RNF121: variants seen among roughly 807,000 people sequenced by gnomAD.
RNF121 encodes the protein E3 ubiquitin ligase RNF121.
RNF121 carries 21 observed loss-of-function variants against 46.5 expected under a neutral mutation model. That is an observed-to-expected ratio of 0.45 (90% CI 0.32 to 0.65). The LOEUF (loss-of-function observed/expected upper bound fraction) is 0.65, where lower values mean the gene tolerates loss of function less well. RNF121 is among the 30% of genes least tolerant of loss of function. The pLI is 0.04. For synonymous variants in RNF121, 139 were observed against 144.7 expected (o/e 0.96, Z 0.28); for missense variants, 346 against 416.0 (o/e 0.83, Z 1.46).
intron 4 of RNF121, among the ~76,000 whole-genome samples, chr11:71,985,017 G>C (rs1954745771): frequency 6.6e-6 from 1 of 152,112 alleles, no homozygotes; most frequent in Admixed American, 6.5e-5. Context: ...ATCCTCCTAG[G>C]CTCAACCAAT....
chr11:71,948,591 G>A (rs1477785539), intron 1 of RNF121, among the ~76,000 whole-genome samples: 1 of 151,516 alleles, frequency 6.6e-6, no homozygotes, highest in Non-Finnish European at 1.5e-5. Flanking sequence ...AGGGGTGGGG[G>A]TAAAGGGCAG....
Position 71,995,440 on chromosome 11 carries a change from C to T in RNF121, c.762-10C>T, listed in dbSNP as rs368035201. The T allele has an allele frequency of 3.2e-5, 50 of 1,566,584 alleles. No homozygotes were observed. The highest frequency in any genetic ancestry group is 7.0e-5 in the South Asian group (6 of 85,672). On this transcript the variant is annotated splice_polypyrimidine_tract_variant and intron_variant, in intron 7 of 8. Coordinates refer to ENST00000361756, the MANE Select transcript of RNF121 (RefSeq NM_018320.5). ...GGCTCTCACCATTTCCCTTGACCAG[C>T]GGTGCTCAGCTTCCACGAGTTCTGC...
chr11:71,940,319 A>C (rs910726912), intron 1 of RNF121, among the ~76,000 whole-genome samples: 2 of 152,242 alleles, frequency 1.3e-5, no homozygotes, highest in African/African-American at 4.8e-5. Flanking sequence ...TAAAATAAGA[A>C]GTACTAAATG....
chr11:71,977,129 A>G (rs1954542905), intron 3 of RNF121, among the ~76,000 whole-genome samples: 1 of 152,164 alleles, frequency 6.6e-6, no homozygotes, highest in South Asian at 2.1e-4. Flanking sequence ...TTAGCTGTGG[A>G]TCTCTACCTT....
chr11:71,971,903 A>G (rs1001720615), intron 3 of RNF121, among the ~76,000 whole-genome samples: 3 of 152,216 alleles, frequency 2.0e-5, no homozygotes, highest in Admixed American at 1.3e-4. Context: ...CCTGTGACAC[A>G]TCCTAAGGGG....
At position 71,957,529 on chromosome 11, in the gene RNF121, T is replaced by G. The variant is rs116568773; in HGVS notation, c.101+265T>G. On this transcript the variant is annotated intron_variant, in intron 2 of 8. Coordinates refer to ENST00000361756, the MANE Select transcript of RNF121 (RefSeq NM_018320.5). ...CTGTGTGATTTTTGAGCAAGTTACT[T>G]AACTTCTCACAACCTTACTTTGCCC... is the stretch of plus-strand genomic sequence containing the variant. 4.6e-3 allele frequency among the ~76,000 whole-genome samples: 696 copies of G among 152,346 alleles called. 3 individuals carry two copies. Among genetic ancestry groups the G allele is most frequent in the African/African-American group, 0.016 (666 of 41,588 alleles).
chr11:71,971,164 A>G (rs1954411973), intron 3 of RNF121, among the ~76,000 whole-genome samples: 2 of 152,134 alleles, frequency 1.3e-5, no homozygotes, highest in Admixed American at 6.6e-5. Context: ...GGGGCAGATC[A>G]CTTGAGCCTA....
chr11:71,981,416 C>G (rs1200549952), intron 3 of RNF121, among the ~76,000 whole-genome samples: 1 of 152,104 alleles, frequency 6.6e-6, no homozygotes, highest in Non-Finnish European at 1.5e-5. Context: ...CTCTATATCT[C>G]TCTTTTTGTT....
In RNF121 at chr11:71,944,006, T is replaced by C. The variant is rs559305698; in HGVS notation, c.64-13221T>C. ...GTGCTGAGGAGTTTGGATTTTTATC[T>C]GTAGCTGATGATTAGCTGTAGAAGA... On this transcript the variant is annotated intron_variant, in intron 1 of 8. Transcript: ENST00000361756. Among the ~76,000 whole-genome samples, 185 of 152,280 alleles carry C rather than the reference T, an allele frequency of 1.2e-3. 1 individual carries two copies. Among genetic ancestry groups the C allele is most frequent in the Non-Finnish European group, 2.3e-3 (155 of 68,014 alleles).
At chr11:71,979,679 G>A (rs1954604675) in intron 3 of RNF121, among the ~76,000 whole-genome samples, 1 of 152,194 alleles carries the variant, frequency 6.6e-6, no homozygotes, top group Admixed American at 6.5e-5. Context: ...AGCTCATGTA[G>A]AGAAAATTAC....
At chr11:71,971,101 A>G (rs1413504188) in intron 3 of RNF121, among the ~76,000 whole-genome samples, 1 of 152,164 alleles carries the variant, frequency 6.6e-6, no homozygotes, top group Non-Finnish European at 1.5e-5. Context: ...AAATATAAGC[A>G]GGCTGGGTGT....
chr11:71,948,341 C>T (rs370471232), intron 1 of RNF121, among the ~76,000 whole-genome samples: 1 of 151,802 alleles, frequency 6.6e-6, no homozygotes, highest in Non-Finnish European at 1.5e-5. Flanking sequence ...CGTGGTGAAA[C>T]CCCATCTTTA....
At chr11:71,986,943 T>G (rs1270649467) in intron 4 of RNF121, 61 bp from the exon 5 acceptor site, 15 of 956,176 alleles carry the variant, frequency 1.6e-5, no homozygotes, top group Non-Finnish European at 2.1e-5. Context: ...ATTCTGGTGA[T>G]CAGGACCATT....
chr11:71,938,466 T>C (rs1285127957), intron 1 of RNF121, among the ~76,000 whole-genome samples: 3 of 151,856 alleles, frequency 2.0e-5, no homozygotes, highest in East Asian at 3.9e-4. Flanking sequence ...ATTATAGGCA[T>C]GTGCCCCCAC....
intron 1 of RNF121, among the ~76,000 whole-genome samples, chr11:71,956,442 C>T (rs1432907669): frequency 1.3e-5 from 2 of 152,166 alleles, no homozygotes; most frequent in Non-Finnish European, 2.9e-5. Flanking sequence ...GGACACCTTC[C>T]TCAACAGGGA....
intron 1 of RNF121, among the ~76,000 whole-genome samples, chr11:71,954,751 A>G (rs1953954358): frequency 6.6e-6 from 1 of 152,088 alleles, no homozygotes; most frequent in Non-Finnish European, 1.5e-5. Context: ...TTGAACAGGT[A>G]GTTGCTTTGT....
chr11:71,968,587 A>G (rs781696765), intron 3 of RNF121, among the ~76,000 whole-genome samples: 4 of 152,232 alleles, frequency 2.6e-5, no homozygotes, highest in African/African-American at 7.2e-5. Context: ...GAAGCAGAGC[A>G]TAAATATAGT....
At chr11:71,966,760 A>G (rs1397877016) in intron 3 of RNF121, among the ~76,000 whole-genome samples, 2 of 151,946 alleles carry the variant, frequency 1.3e-5, no homozygotes, top group African/African-American at 4.8e-5. Flanking sequence ...AAGTGTTGGG[A>G]TTATAGCATG....
At chr11:71,952,104 G>A (rs144909661) in intron 1 of RNF121, among the ~76,000 whole-genome samples, 59 of 152,286 alleles carry the variant, frequency 3.9e-4, no homozygotes, top group African/African-American at 1.3e-3. Context: ...GATAAATAAC[G>A]TGGTATTTAT....
Sources: allele counts gnomAD v4.1 joint callset (sites outside exome capture counted in the v4.1 genomes callset), GRCh38; gene constraint gnomAD v4.1.1; transcripts MANE v1.5; gene names NCBI Gene and HGNC (gene_info 2026-07-23, HGNC 2026-07-21).